The following CCDC93 variants were observed in gnomAD, a reference collection of about 807,000 sequenced individuals.
The protein encoded by CCDC93 is CCC complex scaffolding subunit CCDC93, also known as coiled-coil domain-containing protein 93.
Under a neutral mutation model 108.2 loss-of-function variants are expected in CCDC93, and 61 were observed. That is an observed-to-expected ratio of 0.56 (90% CI 0.46 to 0.70). CCDC93 has a LOEUF of 0.70. Among genes scored for constraint, CCDC93 ranks in the 30% least tolerant of loss-of-function variants. CCDC93 has a pLI of 0.00. For missense variants in CCDC93, 685 were observed against 764.2 expected, an observed-to-expected ratio of 0.90 and a Z score of 1.22; for synonymous variants, 276 against 260.4, an observed-to-expected ratio of 1.06 and a Z score of -0.58.
chr2:117,978,502 C>A, intron 7 of CCDC93, among the ~76,000 whole-genome samples: 1 of 152,084 alleles, frequency 6.6e-6, no homozygotes, highest in East Asian at 1.9e-4. Context: ...TCACTTCACA[C>A]AACCTTAAAT....
At position 118,004,302 on chromosome 2, in the gene CCDC93, C is replaced by T. The variant is rs369425530; in HGVS notation, c.251+2420G>A. On this transcript the variant is annotated intron_variant, in intron 3 of 23. Transcript: ENST00000376300. ...TGAACTCAGTTATAAATGTAAAATC[C>T]CATTTATGGGCCTCTGGCCATAGGA... Among the ~76,000 whole-genome samples, 13 of 152,230 alleles carry T rather than the reference C, an allele frequency of 8.5e-5. No individual in the cohort carries two copies. In the East Asian group the frequency reaches 2.1e-3, roughly 25 times the overall value.
intron 19 of CCDC93, among the ~76,000 whole-genome samples, chr2:117,939,747 C>T (rs1264160432): frequency 2.0e-5 from 3 of 152,180 alleles, no homozygotes; most frequent in Non-Finnish European, 4.4e-5. Flanking sequence ...TGATCTCCTC[C>T]AATAGAGCCA....
At chr2:117,941,792 C>A (rs1678709635) in intron 18 of CCDC93, among the ~76,000 whole-genome samples, 1 of 152,220 alleles carries the variant, frequency 6.6e-6, no homozygotes, top group East Asian at 1.9e-4. Context: ...CTTCCACAGA[C>A]TCAGGAAACT....
Position 118,000,815 on chromosome 2 carries a change from T to C in CCDC93, c.363+6A>G, listed in dbSNP as rs1680825149. 1 of 1,581,206 alleles carries C rather than the reference T, an allele frequency of 6.3e-7. No homozygotes were observed. The highest frequency in any genetic ancestry group is 1.1e-5 in the South Asian group (1 of 90,380). On this transcript the variant is annotated splice_donor_region_variant and intron_variant, in intron 4 of 23. Coordinates refer to ENST00000376300, the MANE Select transcript of CCDC93 (RefSeq NM_019044.5). ...AGAGGACAAGAAACCACACAGAGGC[T>C]CTCACCTGAACAACAGGAAATATGT... is the stretch of plus-strand genomic sequence containing the variant.
At chr2:117,959,150 G>A (rs897023411) in intron 11 of CCDC93, among the ~76,000 whole-genome samples, 1 of 152,168 alleles carries the variant, frequency 6.6e-6, no homozygotes, top group Non-Finnish European at 1.5e-5. Context: ...AGGTGAATGT[G>A]ATAACATTTT....
intron 23 of CCDC93, among the ~76,000 whole-genome samples, chr2:117,924,089 T>A (rs533550881): frequency 4.1e-4 from 62 of 152,230 alleles, no homozygotes; most frequent in Non-Finnish European, 6.0e-4. Flanking sequence ...GAAGGAAAAC[T>A]AACAAACAGA....
Position 117,975,285 on chromosome 2 carries a change from A to G in CCDC93, c.658-5T>C. 6.2e-7 allele frequency: 1 copy of G among 1,609,942 alleles called. No homozygotes were observed. The highest frequency in any genetic ancestry group is 8.5e-7 in the Non-Finnish European group (1 of 1,177,908). ...TGCCGTTTTCTTGTCCTCAGCCTGC[A>G]AGGGAAGATGTGAAAACAGCTGAGC... On this transcript the variant is annotated splice_polypyrimidine_tract_variant and splice_region_variant and intron_variant, in intron 8 of 23. Transcript: ENST00000376300.
chr2:117,970,601 C>T lies in CCDC93; in HGVS notation c.888+3307G>A, dbSNP rs370986810. Reference sequence around the variant, plus strand: ...GAAGTATAGACTTTATTCAAATTCACAAGGAAAACGTTACTCGAGTATAGT... The same window carrying T: ...GAAGTATAGACTTTATTCAAATTCATAAGGAAAACGTTACTCGAGTATAGT... On this transcript the variant is annotated intron_variant, in intron 11 of 23. Coordinates refer to ENST00000376300, the MANE Select transcript of CCDC93 (RefSeq NM_019044.5). Among the ~76,000 whole-genome samples, 39 of 152,272 alleles carry T rather than the reference C, an allele frequency of 2.6e-4. No homozygotes were observed. In the East Asian group the frequency reaches 6.9e-3, roughly 27 times the overall value.
At chr2:117,965,583 T>C (rs1679536681) in intron 11 of CCDC93, among the ~76,000 whole-genome samples, 2 of 152,176 alleles carry the variant, frequency 1.3e-5, no homozygotes, top group East Asian at 1.9e-4. Flanking sequence ...ATCAACAACT[T>C]TTCTTTGGGC....
chr2:117,993,932 C>T (rs938856881), intron 6 of CCDC93, among the ~76,000 whole-genome samples: 3 of 152,182 alleles, frequency 2.0e-5, no homozygotes, highest in Non-Finnish European at 4.4e-5. Flanking sequence ...TGGGGTTTCA[C>T]CATGTTGGCC....
intron 6 of CCDC93, among the ~76,000 whole-genome samples, chr2:117,989,265 C>G (rs1320662828): frequency 6.6e-6 from 1 of 152,156 alleles, no homozygotes; most frequent in African/African-American, 2.4e-5. Flanking sequence ...ACAGACTCCC[C>G]CCTGTGTGAT....
At chr2:117,971,160 C>G (rs1240620747) in intron 11 of CCDC93, among the ~76,000 whole-genome samples, 1 of 152,118 alleles carries the variant, frequency 6.6e-6, no homozygotes, top group African/African-American at 2.4e-5. Context: ...CCCAGGAGTT[C>G]AACACCAGCC....
chr2:117,946,871 T>C lies in CCDC93; in HGVS notation c.1236A>G (p.Thr412=). The part of the protein sequence containing the change: ...EFKAHCREEM[T]RLQQEIENLK... ...GGTTTTCAATTTCTTGCTGTAGTCGTGTCATCTCCTCCTTTAAAAGTGACA... is the reference window on the plus strand; with the variant it reads ...GGTTTTCAATTTCTTGCTGTAGTCGCGTCATCTCCTCCTTTAAAAGTGACA... The change falls in exon 16 of 24, where the codon ACA becomes ACG. Residue 412 remains threonine, a synonymous_variant. Coordinates refer to ENST00000376300, the MANE Select transcript of CCDC93 (RefSeq NM_019044.5). 1 of 1,612,224 alleles carries C rather than the reference T, an allele frequency of 6.2e-7. No individual in the cohort carries two copies. The highest frequency in any genetic ancestry group is 8.5e-7 in the Non-Finnish European group (1 of 1,178,198).
chr2:117,940,359 AG>A (rs777566736), intron 19 of CCDC93, among the ~76,000 whole-genome samples: 6 of 152,132 alleles, frequency 3.9e-5, no homozygotes, highest in Non-Finnish European at 7.4e-5. Context: ...CAGAAGAAAA[AG>A]GATCCAGGCA....
At chr2:117,927,839 A>G (rs183889757) in intron 23 of CCDC93, among the ~76,000 whole-genome samples, 8,580 of 152,328 alleles carry the variant, frequency 0.056, 298 homozygotes, top group Non-Finnish European at 0.082. Context: ...TGGAGGCATC[A>G]TGCTACCTGA....
intron 4 of CCDC93, chr2:117,997,351 C>T (rs950396473): frequency 1.3e-5 from 2 of 152,190 alleles, no homozygotes; most frequent in African/African-American, 4.8e-5. Flanking sequence ...TTCATTCACT[C>T]CCTTTATTAC....
At chr2:117,932,120 A>G (rs775116000) in intron 22 of CCDC93, among the ~76,000 whole-genome samples, 3 of 152,258 alleles carry the variant, frequency 2.0e-5, no homozygotes, top group East Asian at 1.9e-4. Flanking sequence ...TGAGGACACT[A>G]GAGCAGGGCT....
chr2:118,001,128 C>A, intron 3 of CCDC93, 196 bp from the exon 4 acceptor site: 1 of 480,974 alleles, frequency 2.1e-6, no homozygotes, highest in Admixed American at 3.6e-5. Flanking sequence ...TGTGTGGTCA[C>A]AAAACTGCCT....
At chr2:117,970,372 T>C (rs1679721871) in intron 11 of CCDC93, among the ~76,000 whole-genome samples, 1 of 151,900 alleles carries the variant, frequency 6.6e-6, no homozygotes, top group Non-Finnish European at 1.5e-5. Context: ...GAATTAAACA[T>C]AATTAATAAA....
Sources: gnomAD v4.1 joint callset for allele counts (sites outside exome capture counted in the v4.1 genomes callset) on GRCh38, gnomAD v4.1.1 for gene constraint, MANE v1.5 for transcripts, NCBI Gene and HGNC (gene_info 2026-07-23, HGNC 2026-07-21) for gene names.